The following MYT1L variants were observed in gnomAD, a reference collection of about 807,000 sequenced individuals.
The protein encoded by MYT1L is myelin transcription factor 1-like protein.
In MYT1L, 12 loss-of-function variants were observed where a neutral mutation model predicts 126.7. That is an observed-to-expected ratio of 0.09 (90% CI 0.06 to 0.15). The LOEUF (loss-of-function observed/expected upper bound fraction) is 0.15, where lower values mean the gene tolerates loss of function less well. MYT1L is among the 10% of genes least tolerant of loss of function. The probability of loss-of-function intolerance (pLI) is 1.00; values close to 1 mark genes in which losing one functional copy is unlikely to be tolerated. For missense variants in MYT1L, 979 were observed against 1,585.2 expected (o/e 0.62, Z 6.49); for synonymous variants, 541 against 604.2 (o/e 0.90, Z 1.53).
chr2:2,021,036 C>T (rs944236406), intron 4 of MYT1L, among the ~76,000 whole-genome samples: 13 of 152,154 alleles, frequency 8.5e-5, no homozygotes, highest in Non-Finnish European at 1.9e-4. Context: ...TAGTAAGTGA[C>T]GATGGGCAGA....
chr2:2,180,579 T>C (rs1270504817), intron 2 of MYT1L, among the ~76,000 whole-genome samples: 1 of 151,616 alleles, frequency 6.6e-6, no homozygotes, highest in African/African-American at 2.4e-5. Context: ...TGTACCTGTG[T>C]GTGCGCCTAT....
chr2:2,286,070 C>T (rs2095515770), intron 1 of MYT1L, among the ~76,000 whole-genome samples: 2 of 152,266 alleles, frequency 1.3e-5, no homozygotes, highest in South Asian at 4.1e-4. Context: ...GCAACCTCTG[C>T]CTTCCAGGTT....
intron 3 of MYT1L, among the ~76,000 whole-genome samples, chr2:2,062,549 CTTG>C (rs1462051153): frequency 2.0e-5 from 3 of 152,184 alleles, no homozygotes; most frequent in African/African-American, 4.8e-5. Flanking sequence ...TCTTGATTTA[CTTG>C]TTGTTGGTTT....
chr2:2,327,555 G>A (rs2096257759), intron 1 of MYT1L, among the ~76,000 whole-genome samples: 1 of 152,170 alleles, frequency 6.6e-6, no homozygotes. Context: ...ACGCTATGGA[G>A]TAATTAGATT....
chr2:2,114,674 A>G (rs1295834164), intron 3 of MYT1L, among the ~76,000 whole-genome samples: 1 of 152,224 alleles, frequency 6.6e-6, no homozygotes, highest in Non-Finnish European at 1.5e-5. Flanking sequence ...GGTACCCAAT[A>G]ATGATTGTCA....
At position 2,133,926 on chromosome 2, in the gene MYT1L, A is replaced by G. The variant is rs1412238188; in HGVS notation, c.-304+38946T>C. On this transcript the variant is annotated intron_variant, in intron 3 of 24. Transcript: ENST00000647738. ...CACGGGAATAATTTCTTTAAACTTA[A>G]CAGCACAGTGTTCATCTACGTATGG... Among the ~76,000 whole-genome samples the G allele has an allele frequency of 3.3e-5, 5 of 152,222 alleles. No individual in the cohort carries two copies. The East Asian group carries it at 9.6e-4, about 29-fold the overall frequency.
At chr2:2,010,892 G>C (rs1049552937) in intron 4 of MYT1L, among the ~76,000 whole-genome samples, 4 of 152,182 alleles carry the variant, frequency 2.6e-5, no homozygotes, top group Non-Finnish European at 5.9e-5. Context: ...ACTCTTCACA[G>C]GGGTGCCGGG....
chr2:2,217,702 AC>A (rs1212660449), intron 2 of MYT1L, among the ~76,000 whole-genome samples: 2,180 of 110,674 alleles, frequency 0.02, 172 homozygotes, highest in African/African-American at 0.069. Context: ...AACAACAACA[AC>A]AACAAAAAAA....
At chr2:1,976,759 T>C (rs1426854491) in intron 8 of MYT1L, among the ~76,000 whole-genome samples, 1 of 152,208 alleles carries the variant, frequency 6.6e-6, no homozygotes, top group Non-Finnish European at 1.5e-5. Context: ...ACTTCTTAAG[T>C]TTAAGAAATT....
intron 4 of MYT1L, among the ~76,000 whole-genome samples, chr2:2,009,013 G>C (rs554924327): frequency 2.6e-5 from 4 of 151,878 alleles, no homozygotes; most frequent in Non-Finnish European, 5.9e-5. Flanking sequence ...ATTTATTTGG[G>C]GGCTCTTTGT....
At chr2:2,101,909 A>C (rs35014974) in intron 3 of MYT1L, among the ~76,000 whole-genome samples, 2 of 152,270 alleles carry the variant, frequency 1.3e-5, no homozygotes, top group Non-Finnish European at 2.9e-5. Context: ...AGGGATCACC[A>C]GTCATAACCT....
At chr2:2,213,161 C>T (rs1442025398) in intron 2 of MYT1L, among the ~76,000 whole-genome samples, 1 of 152,148 alleles carries the variant, frequency 6.6e-6, no homozygotes, top group Non-Finnish European at 1.5e-5. Context: ...CGGACAAATA[C>T]AAAACAATTG....
chr2:2,123,775 T>G, intron 3 of MYT1L, among the ~76,000 whole-genome samples: 1 of 152,176 alleles, frequency 6.6e-6, no homozygotes, highest in East Asian at 1.9e-4. Flanking sequence ...AGGAAGATGA[T>G]CTTGGATAGT....
chr2:2,195,724 A>G (rs931099683), intron 2 of MYT1L, among the ~76,000 whole-genome samples: 2 of 152,190 alleles, frequency 1.3e-5, no homozygotes, highest in African/African-American at 4.8e-5. Context: ...AACCAAGTGG[A>G]AATTTTAGAA....
At chr2:1,927,346 T>A (rs2054368474) in intron 9 of MYT1L, among the ~76,000 whole-genome samples, 1 of 152,222 alleles carries the variant, frequency 6.6e-6, no homozygotes. Flanking sequence ...TAGGGTTGAA[T>A]TTTATCTCTT....
chr2:2,279,572 G>T (rs201446287), intron 2 of MYT1L, among the ~76,000 whole-genome samples: 19 of 120,852 alleles, frequency 1.6e-4, no homozygotes, highest in South Asian at 1.0e-3. Flanking sequence ...AATGAATGAA[G>T]GAAGGAAGGA....
intron 18 of MYT1L, among the ~76,000 whole-genome samples, chr2:1,882,541 C>T (rs2047697983): frequency 6.6e-6 from 1 of 152,188 alleles, no homozygotes; most frequent in South Asian, 2.1e-4. Flanking sequence ...CAACTCATTC[C>T]CCTGATAAGG....
At chr2:2,199,751 C>T (rs537807830) in intron 2 of MYT1L, among the ~76,000 whole-genome samples, 1 of 152,188 alleles carries the variant, frequency 6.6e-6, no homozygotes, top group Admixed American at 6.5e-5. Context: ...CTCTGAAGCA[C>T]TTCTTCCTCT....
intron 1 of MYT1L, among the ~76,000 whole-genome samples, chr2:2,328,578 G>T (rs1340987591): frequency 1.3e-5 from 2 of 152,178 alleles, no homozygotes; most frequent in Non-Finnish European, 1.5e-5. Flanking sequence ...AAGTTCTGCT[G>T]TTGGATGCAA....
Sources: gnomAD v4.1 joint callset for allele counts (sites outside exome capture counted in the v4.1 genomes callset) on GRCh38, gnomAD v4.1.1 for gene constraint, MANE v1.5 for transcripts, NCBI Gene and HGNC (gene_info 2026-07-23, HGNC 2026-07-21) for gene names.